KRTCAP2: variants seen among roughly 807,000 people sequenced by gnomAD.
KRTCAP2 encodes the protein dolichyl-diphosphooligosaccharide--protein glycosyltransferase subunit KCP2.
Under a neutral mutation model 16.5 loss-of-function variants are expected in KRTCAP2, and 10 were observed. That is an observed-to-expected ratio of 0.60 (90% CI 0.37 to 1.02). KRTCAP2 has a LOEUF of 1.02. Among genes scored for constraint, KRTCAP2 ranks in the 50% least tolerant of loss-of-function variants. The pLI is 0.01. For synonymous variants in KRTCAP2, 68 were observed against 69.8 expected (o/e 0.97, Z 0.13); for missense variants, 152 against 159.6 (o/e 0.95, Z 0.26).
intron 3 of KRTCAP2, chr1:155,170,782 A>G (rs1441542755): frequency 6.6e-6 from 1 of 152,176 alleles, no homozygotes; most frequent in Non-Finnish European, 1.5e-5. Context: ...ACTTTGCCCC[A>G]CCACAATGGC....
At chr1:155,172,949 T>A in intron 1 of KRTCAP2, 57 bp from the exon 2 acceptor site, 2 of 1,582,480 alleles carry the variant, frequency 1.3e-6, no homozygotes, top group South Asian at 1.1e-5. Context: ...TCCGGCAAGC[T>A]ACGGGCAGAT....
chr1:155,169,648 A>G (rs1665179140), intron 4 of KRTCAP2, 88 bp from the exon 5 acceptor site: 1 of 1,506,884 alleles, frequency 6.6e-7, no homozygotes, highest in Non-Finnish European at 9.1e-7. Flanking sequence ...TCAAGGAAAG[A>G]ATCCAAGTTC....
At chr1:155,172,659 C>A in intron 2 of KRTCAP2, 31 bp from the exon 3 acceptor site, 1 of 1,614,038 alleles carries the variant, frequency 6.2e-7, no homozygotes, top group Non-Finnish European at 8.5e-7. Flanking sequence ...GTAGGGTGTG[C>A]AACGGGGACA....
At position 155,173,287 on chromosome 1, in the gene KRTCAP2, G is replaced by T. The variant is rs777966860; in HGVS notation, c.-63C>A. Reference sequence around the variant, plus strand: ...AAGAAAGGCGAGCTGAACCGGGTGCGGTTAGCTATGCGCATGCGTCAGCGC... The same window carrying T: ...AAGAAAGGCGAGCTGAACCGGGTGCTGTTAGCTATGCGCATGCGTCAGCGC... On this transcript the variant is annotated 5_prime_UTR_variant, in exon 1 of 5. Coordinates refer to ENST00000295682, the MANE Select transcript of KRTCAP2 (RefSeq NM_173852.4). 3.1e-6 allele frequency: 5 copies of T among 1,613,828 alleles called. No individual in the cohort carries two copies. Among genetic ancestry groups the T allele is most frequent in the Non-Finnish European group, 4.2e-6 (5 of 1,179,940 alleles).
In KRTCAP2 at chr1:155,169,505, A is replaced by G. The variant is rs1368501452; in HGVS notation, c.346T>C (p.Tyr116His). ...GTGAGGACTGGAGCTGCTGCCTGGT[A>G]CAGGGTGGAGGAGATCTTGTTGATG... is the stretch of plus-strand genomic sequence containing the variant. ...YYINKISSTL[Y>H]QAAAPVLTPA... Residue 116 changes from tyrosine (Y) to histidine (H), a missense_variant, in exon 5 of 5, where the codon TAC becomes CAC. Tyr to His is a moderately conservative substitution (Grantham distance 83). Transcript: ENST00000295682. 6.2e-7 allele frequency: 1 copy of G among 1,614,070 alleles called. No homozygotes were observed. Among genetic ancestry groups the G allele is most frequent in the East Asian group, 2.2e-5 (1 of 44,892 alleles).
At chr1:155,172,364 T>G (rs1665281398) in intron 3 of KRTCAP2, 2 of 1,423,208 alleles carry the variant, frequency 1.4e-6, no homozygotes, top group Non-Finnish European at 1.8e-6. Context: ...AGTTTCTTGC[T>G]TTCAAAGGCC....
intron 3 of KRTCAP2, chr1:155,170,099 T>C (rs758433054): frequency 2.5e-6 from 1 of 400,134 alleles, no homozygotes; most frequent in Non-Finnish European, 4.7e-6. Flanking sequence ...GGTGGGCAGA[T>C]CACTTGAGCC....
At chr1:155,171,954 G>A (rs1203237290) in intron 3 of KRTCAP2, 2 of 985,684 alleles carry the variant, frequency 2.0e-6, no homozygotes, top group Non-Finnish European at 2.4e-6. Flanking sequence ...GTGAATTTCT[G>A]AGCACGTGGC....
intron 1 of KRTCAP2, 151 bp downstream of exon 1, chr1:155,173,070 C>G: frequency 1.1e-6 from 1 of 938,192 alleles, no homozygotes; most frequent in Non-Finnish European, 1.6e-6. Flanking sequence ...TCCCCAGCCC[C>G]GGACACCCCG....
chr1:155,169,693 GAGGT>G, intron 4 of KRTCAP2, 94 bp downstream of exon 4: 1 of 1,361,224 alleles, frequency 7.3e-7, no homozygotes, highest in Non-Finnish European at 1.0e-6. Context: ...AACAGAGAGA[GAGGT>G]AGGTGTGGAA....
chr1:155,172,983 G>A (rs908999785), intron 1 of KRTCAP2, 91 bp from the exon 2 acceptor site: 396 of 1,387,388 alleles, frequency 2.9e-4, no homozygotes, highest in Non-Finnish European at 3.9e-4. Context: ...AGCTCGGTGG[G>A]CCGACCCCCT....
At chr1:155,173,014 A>G in intron 1 of KRTCAP2, 122 bp from the exon 2 acceptor site, 2 of 1,108,104 alleles carry the variant, frequency 1.8e-6, no homozygotes, top group Non-Finnish European at 2.6e-6. Flanking sequence ...CCGGGACTGC[A>G]GCCACACGCC....
At position 155,171,387 on chromosome 1, in the gene KRTCAP2, C is replaced by G. The variant is rs577626100; in HGVS notation, c.223+1178G>C. The G allele has an allele frequency of 1.2e-4, 107 of 921,284 alleles. No individual in the cohort carries two copies. The African/African-American group carries it at 1.7e-3, about 14-fold the overall frequency. The allele number at this position is 921,284 out of a possible 1,614,324, so 57.1% of individuals were successfully genotyped here. A position where few individuals can be genotyped will look rare whatever the true frequency, so the allele number is the denominator to read the frequency against. ...TGAGCTGGGTTCACACCACTGTACT[C>G]CAGCATGGGTGACAGAGCGAGACTC... On this transcript the variant is annotated intron_variant, in intron 3 of 4. Transcript: ENST00000295682.
rs759811336 is a variant in KRTCAP2, at chr1:155,169,867, CAAG to C, written c.224-13_224-11del. 30 of 1,569,838 alleles carry C rather than the reference CAAG, an allele frequency of 1.9e-5. No individual in the cohort carries two copies. Among genetic ancestry groups the C allele is most frequent in the South Asian group, 4.6e-5 (4 of 86,040 alleles). On this transcript the variant is annotated splice_polypyrimidine_tract_variant and intron_variant, in intron 3 of 4. Transcript: ENST00000295682. ...AGGAGGCACAGGAGAACTAGGGAGG[CAAG>C]AAGAACAAGGAGGGCAACGGTCAGA...
At chr1:155,171,023 T>C (rs1300443830) in intron 3 of KRTCAP2, 1 of 152,384 alleles carries the variant, frequency 6.6e-6, no homozygotes, top group East Asian at 1.9e-4. Context: ...TTGCCCAAGC[T>C]GGTCTTGAAT....
At position 155,173,227 on chromosome 1, in the gene KRTCAP2, T is replaced by C. The variant is rs756885976; in HGVS notation, c.-3A>G. On this transcript the variant is annotated 5_prime_UTR_variant, in exon 1 of 5. The change abolishes an upstream ATG in the 5' untranslated region. Coordinates refer to ENST00000295682, the MANE Select transcript of KRTCAP2 (RefSeq NM_173852.4). The stretch of plus-strand genomic sequence containing the variant: ...ACCCCACCGGTCCTGTTACCCATCA[T>C]GCCCCGCCCGTGAGTCCAACCGGCG... The C allele has an allele frequency of 3.0e-5, 48 of 1,613,644 alleles. No individual in the cohort carries two copies. The highest frequency in any genetic ancestry group is 4.4e-5 in the South Asian group (4 of 91,054).
At chr1:155,170,141 T>A in intron 3 of KRTCAP2, 1 of 257,988 alleles carries the variant, frequency 3.9e-6, no homozygotes, top group Non-Finnish European at 7.5e-6. Context: ...AACAACAAAG[T>A]GAGACCCATC....
chr1:155,169,683 A>G, intron 4 of KRTCAP2, 108 bp downstream of exon 4: 1 of 1,377,538 alleles, frequency 7.3e-7, no homozygotes. Context: ...GGGGAGGGAG[A>G]ACAGAGAGAG....
Position 155,169,576 on chromosome 1 carries a change from A to G in KRTCAP2, c.291-16T>C. On this transcript the variant is annotated splice_polypyrimidine_tract_variant and intron_variant, in intron 4 of 4. Coordinates refer to ENST00000295682, the MANE Select transcript of KRTCAP2 (RefSeq NM_173852.4). ...GAAGATGAAGCTATATGGTGAAGAC[A>G]GAAAGGTCATGGCACCAGTGGGCAT... The G allele has an allele frequency of 6.2e-7, 1 of 1,612,834 alleles. No individual in the cohort carries two copies. Among genetic ancestry groups the G allele is most frequent in the Non-Finnish European group, 8.5e-7 (1 of 1,179,134 alleles).
Sources: gnomAD v4.1 joint callset for allele counts on GRCh38, gnomAD v4.1.1 for gene constraint, MANE v1.5 for transcripts, NCBI Gene and HGNC (gene_info 2026-07-23, HGNC 2026-07-21) for gene names.